The following MYO3A variants were observed in gnomAD, a reference collection of about 807,000 sequenced individuals.
The protein encoded by MYO3A is myosin IIIA, also known as myosin-IIIa.
In MYO3A, 180 loss-of-function variants were observed where a neutral mutation model predicts 192.7. The observed-to-expected ratio is 0.93, with a 90% CI of 0.83 to 1.06. The LOEUF (loss-of-function observed/expected upper bound fraction) is 1.06. MYO3A is among the 50% of genes least tolerant of loss of function. MYO3A has a pLI of 0.00. For synonymous variants in MYO3A, 628 were observed against 645.3 expected, an observed-to-expected ratio of 0.97 and a Z score of 0.41; for missense variants, 1,896 against 1,905.0, an observed-to-expected ratio of 1.00 and a Z score of 0.09.
chr10:26,100,015 A>T (rs1217387298), intron 17 of MYO3A, among the ~76,000 whole-genome samples: 1 of 152,210 alleles, frequency 6.6e-6, no homozygotes, highest in Non-Finnish European at 1.5e-5. Context: ...CCTCTGGTAG[A>T]ATTCGGCTGT....
intron 17 of MYO3A, among the ~76,000 whole-genome samples, chr10:26,109,639 G>A (rs566094869): frequency 6.6e-6 from 1 of 152,324 alleles, no homozygotes; most frequent in East Asian, 1.9e-4. Context: ...CTATAATCTG[G>A]TGTGTTACAG....
chr10:26,049,898 T>C (rs1240422468), intron 10 of MYO3A, among the ~76,000 whole-genome samples: 14 of 151,978 alleles, frequency 9.2e-5, no homozygotes, highest in Admixed American at 7.9e-4. Flanking sequence ...ATGGTCTCGA[T>C]CTCATGACCT....
At chr10:25,975,117 G>A (rs548557032) in intron 4 of MYO3A, among the ~76,000 whole-genome samples, 8 of 152,258 alleles carry the variant, frequency 5.3e-5, no homozygotes, top group East Asian at 1.9e-4. Flanking sequence ...GCATGTGCAC[G>A]CACAGTAGGT....
chr10:26,130,110 CTT>C (rs370456396), intron 20 of MYO3A, among the ~76,000 whole-genome samples: 2 of 144,610 alleles, frequency 1.4e-5, no homozygotes, highest in African/African-American at 5.0e-5. Flanking sequence ...TTACAAATTG[CTT>C]TTTTTTTTTT....
At chr10:26,167,076 A>G (rs952904934) in intron 27 of MYO3A, among the ~76,000 whole-genome samples, 1 of 152,216 alleles carries the variant, frequency 6.6e-6, no homozygotes, top group African/African-American at 2.4e-5. Context: ...TATGAAATGT[A>G]TCACGGGGAG....
chr10:26,097,110 C>G (rs1190984462), intron 17 of MYO3A, among the ~76,000 whole-genome samples: 7 of 151,960 alleles, frequency 4.6e-5, no homozygotes, highest in Middle Eastern at 3.2e-3. Context: ...GATGTGTATT[C>G]ATGACCATAA....
At chr10:25,939,372 C>A (rs1836325992) in intron 2 of MYO3A, among the ~76,000 whole-genome samples, 2 of 151,640 alleles carry the variant, frequency 1.3e-5, no homozygotes, top group South Asian at 4.2e-4. Flanking sequence ...TAATTTATAC[C>A]CTTCTCTTTT....
chr10:25,999,245 A>G (rs1260067606), intron 6 of MYO3A, among the ~76,000 whole-genome samples: 2 of 152,182 alleles, frequency 1.3e-5, no homozygotes, highest in Non-Finnish European at 2.9e-5. Context: ...TAGTTAACAA[A>G]ATGAGAGCTT....
intron 17 of MYO3A, among the ~76,000 whole-genome samples, chr10:26,115,206 C>T (rs547332836): frequency 3.3e-5 from 5 of 152,176 alleles, no homozygotes; most frequent in Non-Finnish European, 5.9e-5. Flanking sequence ...AGAAAAGTCA[C>T]TCTGACAGCC....
chr10:26,106,215 C>G (rs1837793814), intron 17 of MYO3A, among the ~76,000 whole-genome samples: 1 of 151,976 alleles, frequency 6.6e-6, no homozygotes. Context: ...TTTTGGAGCA[C>G]TGTGATTTTC....
chr10:25,946,651 G>C (rs1398537975), intron 2 of MYO3A, among the ~76,000 whole-genome samples: 1 of 151,408 alleles, frequency 6.6e-6, no homozygotes, highest in African/African-American at 2.4e-5. Context: ...AGGCCGAGGC[G>C]GGTGGATCAC....
intron 2 of MYO3A, among the ~76,000 whole-genome samples, chr10:25,946,764 G>A (rs7900700): frequency 0.082 from 12,206 of 149,058 alleles, 634 homozygotes; most frequent in African/African-American, 0.14. Flanking sequence ...CTGTAATCCC[G>A]CTACACGGGA....
At chr10:26,117,773 T>C (rs1838604111) in intron 17 of MYO3A, among the ~76,000 whole-genome samples, 1 of 152,238 alleles carries the variant, frequency 6.6e-6, no homozygotes, top group African/African-American at 2.4e-5. Flanking sequence ...TCCATGTCTT[T>C]GCTATTGTGA....
intron 14 of MYO3A, among the ~76,000 whole-genome samples, chr10:26,077,241 T>TTTTTTTG (rs1835643866): frequency 7.1e-6 from 1 of 140,562 alleles, no homozygotes; most frequent in Admixed American, 7.0e-5. Flanking sequence ...AGGTTTTTTT[T>TTTTTTTG]TTTTTTTTTT....
At chr10:26,190,813 A>T (rs1843089242) in intron 31 of MYO3A, among the ~76,000 whole-genome samples, 1 of 152,142 alleles carries the variant, frequency 6.6e-6, no homozygotes, top group Admixed American at 6.5e-5. Flanking sequence ...CAAAAACTGC[A>T]ATTCCCTTTG....
chr10:26,014,432 A>C (rs897022390), intron 6 of MYO3A, among the ~76,000 whole-genome samples: 1 of 152,148 alleles, frequency 6.6e-6, no homozygotes, highest in Admixed American at 6.6e-5. Flanking sequence ...CTGCATGCCA[A>C]TATAAAAGTC....
chr10:25,949,781 T>TA (rs1837084379), intron 2 of MYO3A, among the ~76,000 whole-genome samples: 2 of 152,038 alleles, frequency 1.3e-5, no homozygotes, highest in East Asian at 3.8e-4. Context: ...CTTCCTAACT[T>TA]AAAAAAAGTA....
chr10:26,104,348 A>G (rs1239823911), intron 17 of MYO3A, among the ~76,000 whole-genome samples: 1 of 152,138 alleles, frequency 6.6e-6, no homozygotes. Flanking sequence ...TCATTGTTCC[A>G]TTTTGAGTTA....
chr10:26,180,197 A>G (rs1196625627), intron 31 of MYO3A, among the ~76,000 whole-genome samples: 1 of 152,236 alleles, frequency 6.6e-6, no homozygotes, highest in Non-Finnish European at 1.5e-5. Context: ...AATGGAATGC[A>G]ATAGTACATT....
Sources: allele counts gnomAD v4.1 joint callset (sites outside exome capture counted in the v4.1 genomes callset), GRCh38; gene constraint gnomAD v4.1.1; transcripts MANE v1.5; gene names NCBI Gene and HGNC (gene_info 2026-07-23, HGNC 2026-07-21).